Variants in PAK5 observed in about 807,000 individuals in gnomAD.
The protein encoded by PAK5 is p21 (RAC1) activated kinase 5, also known as serine/threonine-protein kinase PAK 5.
Under a neutral mutation model 65.9 loss-of-function variants are expected in PAK5, and 16 were observed. That is an observed-to-expected ratio of 0.24 (90% confidence interval 0.16 to 0.37). PAK5 has a LOEUF of 0.37. PAK5 is among the 10% of genes least tolerant of loss of function. PAK5 has a pLI of 1.00. For synonymous variants in PAK5, 371 were observed against 354.9 expected (o/e 1.05, Z -0.51); for missense variants, 785 against 903.9 (o/e 0.87, Z 1.69).
At chr20:9,750,967 G>A (rs1461445871) in intron 1 of PAK5, among the ~76,000 whole-genome samples, 2 of 152,170 alleles carry the variant, frequency 1.3e-5, no homozygotes, top group Non-Finnish European at 2.9e-5. Context: ...AAAGTTGACA[G>A]TGTATGGCAT....
chr20:9,624,348 C>T (rs2046812746), intron 3 of PAK5, among the ~76,000 whole-genome samples: 1 of 152,064 alleles, frequency 6.6e-6, no homozygotes, highest in South Asian at 2.1e-4. Flanking sequence ...GACATCATGC[C>T]TAGCCCATGA....
intron 1 of PAK5, among the ~76,000 whole-genome samples, chr20:9,799,315 G>T (rs1236754447): frequency 6.6e-6 from 1 of 152,056 alleles, no homozygotes; most frequent in Non-Finnish European, 1.5e-5. Flanking sequence ...GGTGACAATC[G>T]TATCTTTGGG....
chr20:9,590,194 C>T (rs765049829), intron 3 of PAK5, among the ~76,000 whole-genome samples: 1 of 152,078 alleles, frequency 6.6e-6, no homozygotes, highest in Non-Finnish European at 1.5e-5. Context: ...TGGTCTCAAA[C>T]TCCTGGCCTC....
At chr20:9,800,891 G>C (rs2049161431) in intron 1 of PAK5, among the ~76,000 whole-genome samples, 1 of 151,388 alleles carries the variant, frequency 6.6e-6, no homozygotes, top group Non-Finnish European at 1.5e-5. Flanking sequence ...ACACCATTGA[G>C]AGCTAAGATG....
Position 9,548,876 on chromosome 20 carries a change from G to A in PAK5, c.1744-4382C>T, listed in dbSNP as rs140595858. Among the ~76,000 whole-genome samples, 194 of 152,242 alleles carry A rather than the reference G, an allele frequency of 1.3e-3. 2 individuals are homozygous for A. The East Asian group carries it at 0.032, about 25-fold the overall frequency. ...ATGATATTCTCACTAATTGGCTTAAGGCCAGTGATTTGGACCAGTGGTGGT... is the reference window on the plus strand; with the variant it reads ...ATGATATTCTCACTAATTGGCTTAAAGCCAGTGATTTGGACCAGTGGTGGT... On this transcript the variant is annotated intron_variant, in intron 7 of 9. Coordinates refer to ENST00000353224, the MANE Select transcript of PAK5 (RefSeq NM_177990.4).
intron 1 of PAK5, among the ~76,000 whole-genome samples, chr20:9,822,749 T>C (rs543974396): frequency 2.6e-5 from 4 of 152,322 alleles, no homozygotes; most frequent in Admixed American, 6.5e-5. Context: ...CTTCCAACAG[T>C]CAGTATCTGT....
chr20:9,677,169 C>T (rs991847196), intron 2 of PAK5, among the ~76,000 whole-genome samples: 1 of 152,094 alleles, frequency 6.6e-6, no homozygotes. Flanking sequence ...AAAATATTCT[C>T]TTTCACTTCA....
chr20:9,802,150 A>G (rs1366439320), intron 1 of PAK5, among the ~76,000 whole-genome samples: 2 of 152,122 alleles, frequency 1.3e-5, no homozygotes, highest in South Asian at 4.1e-4. Flanking sequence ...TGAACTTCCC[A>G]TACTTCTGGG....
chr20:9,591,617 A>G (rs1050608253), intron 3 of PAK5, among the ~76,000 whole-genome samples: 2 of 152,180 alleles, frequency 1.3e-5, no homozygotes, highest in South Asian at 2.1e-4. Context: ...AGATTCTGAC[A>G]TTTAAAAATG....
chr20:9,741,876 A>G lies in PAK5; in HGVS notation c.-161-30441T>C, dbSNP rs1010651220. 3.3e-5 allele frequency among the ~76,000 whole-genome samples: 5 copies of G among 152,232 alleles called. No homozygotes were observed. The East Asian group carries it at 7.7e-4, about 24-fold the overall frequency. ...ATCCCAATGATCTAGCAGAGAAAAA[A>G]AAAAACTCCTCCCTCTTTCCTGTCT... On this transcript the variant is annotated intron_variant, in intron 1 of 9. Coordinates refer to ENST00000353224, the MANE Select transcript of PAK5 (RefSeq NM_177990.4).
intron 1 of PAK5, among the ~76,000 whole-genome samples, chr20:9,806,175 G>C (rs758172030): frequency 1.6e-4 from 24 of 151,694 alleles, no homozygotes; most frequent in Middle Eastern, 3.2e-3. Context: ...TTTTAGCAGA[G>C]ATGGGGTTTC....
At chr20:9,666,414 CACA>C (rs1600218239) in intron 2 of PAK5, among the ~76,000 whole-genome samples, 1 of 134,166 alleles carries the variant, frequency 7.5e-6, no homozygotes, top group African/African-American at 2.9e-5. Flanking sequence ...TCAACAAAAG[CACA>C]ACAACAGCAA....
rs754468025 is a variant in PAK5, at chr20:9,566,030, A to G, written c.1345T>C (p.Leu449=). The G allele has an allele frequency of 5.6e-6, 9 of 1,613,618 alleles. No individual in the cohort carries two copies. In the African/African-American group the frequency reaches 6.7e-5, roughly 12 times the overall value. Residue 449 remains leucine (L), a synonymous_variant, in exon 5 of 10, where the codon TTG becomes CTG. Transcript: ENST00000353224. The part of the protein sequence containing the change: ...VVSPGDPREY[L]ANFIKIGEGS... ...TCCCCGATTTTGATAAAGTTGGCCA[A>G]GTATTCCCTGGGGTCTCCTGGGCTG...
In PAK5 at chr20:9,547,271, T is replaced by C. The variant is rs149937873; in HGVS notation, c.1744-2777A>G. ...ATCAACACTACCAAAATCTTGATTT[T>C]GGACCTCTGGACTCTTGAATCATGA... On this transcript the variant is annotated intron_variant, in intron 7 of 9. Transcript: ENST00000353224. Among the ~76,000 whole-genome samples the C allele has an allele frequency of 9.9e-4, 151 of 152,290 alleles. 1 individual carries two copies. The highest frequency in any genetic ancestry group is 3.4e-3 in the African/African-American group (143 of 41,564).
intron 1 of PAK5, among the ~76,000 whole-genome samples, chr20:9,797,409 C>T (rs1396903149): frequency 6.7e-6 from 1 of 149,820 alleles, no homozygotes; most frequent in African/African-American, 2.5e-5. Context: ...AAAAACCAAA[C>T]ACCACATGTC....
chr20:9,809,457 A>G lies in PAK5; in HGVS notation c.-162+29305T>C, dbSNP rs191866502. Among the ~76,000 whole-genome samples the G allele has an allele frequency of 2.0e-5, 3 of 152,042 alleles. No individual in the cohort carries two copies. In the East Asian group the frequency reaches 5.8e-4, roughly 29 times the overall value. Reference sequence around the variant, plus strand: ...AAGAACATACCATGAGGCCACAAGTATCTGCTTTTAGAAAGTAACAGCTGA... The same window carrying G: ...AAGAACATACCATGAGGCCACAAGTGTCTGCTTTTAGAAAGTAACAGCTGA... On this transcript the variant is annotated intron_variant, in intron 1 of 9. Coordinates refer to ENST00000353224, the MANE Select transcript of PAK5 (RefSeq NM_177990.4).
rs529602762 is a variant in PAK5 at position 9,782,853 on chromosome 20, C to T, written c.-162+55909G>A. On this transcript the variant is annotated intron_variant, in intron 1 of 9. Transcript: ENST00000353224. ...AGGAGGCCCCACCCACCACCATCGT[C>T]AAACATTTTCAAAGCTAAAGAGAGA... Among the ~76,000 whole-genome samples, 3 of 152,104 alleles carry T rather than the reference C, an allele frequency of 2.0e-5. No homozygotes were observed. In the East Asian group the frequency reaches 5.8e-4, roughly 29 times the overall value.
intron 6 of PAK5, among the ~76,000 whole-genome samples, chr20:9,558,173 C>T (rs2045540290): frequency 6.6e-6 from 1 of 151,866 alleles, no homozygotes; most frequent in African/African-American, 2.4e-5. Flanking sequence ...TGCAGTGGCA[C>T]AATCTCGGCT....
At chr20:9,819,928 T>C (rs771469484) in intron 1 of PAK5, among the ~76,000 whole-genome samples, 4 of 152,152 alleles carry the variant, frequency 2.6e-5, no homozygotes, top group Non-Finnish European at 4.4e-5. Flanking sequence ...GGGCTGTCCA[T>C]GTTGCCAGAA....
Sources: allele counts gnomAD v4.1 joint callset (sites outside exome capture counted in the v4.1 genomes callset), GRCh38; gene constraint gnomAD v4.1.1; transcripts MANE v1.5; gene names NCBI Gene and HGNC (gene_info 2026-07-23, HGNC 2026-07-21).